The following SUMF1 variants were observed in gnomAD, a reference collection of about 807,000 sequenced individuals.
The protein encoded by SUMF1 is formylglycine-generating enzyme.
In SUMF1, 48 loss-of-function variants were observed where a neutral mutation model predicts 47.6. The observed-to-expected ratio is 1.01, with a 90% CI of 0.80 to 1.28. The LOEUF (loss-of-function observed/expected upper bound fraction) is 1.28. SUMF1 is among the 50% of genes most tolerant of loss of function. The probability of loss-of-function intolerance (pLI) is 0.00; values close to 1 mark genes in which losing one functional copy is unlikely to be tolerated. For missense variants in SUMF1, 571 were observed against 485.4 expected (o/e 1.18, Z -1.66); for synonymous variants, 230 against 192.1 (o/e 1.20, Z -1.63).
At chr3:4,444,011 A>G (rs1039076131) in intron 3 of SUMF1, among the ~76,000 whole-genome samples, 8 of 152,188 alleles carry the variant, frequency 5.3e-5, no homozygotes, top group Admixed American at 2.0e-4. Context: ...ACAAACACCA[A>G]CACACAGTCT....
intron 8 of SUMF1, among the ~76,000 whole-genome samples, chr3:4,139,415 T>C (rs1387915218): frequency 1.3e-5 from 2 of 151,978 alleles, no homozygotes; most frequent in Non-Finnish European, 2.9e-5. Context: ...TGAGAATCAA[T>C]TGGCAATATG....
chr3:4,359,474 G>A (rs1303833437), downstream of SUMF1, among the ~76,000 whole-genome samples: 1 of 152,018 alleles, frequency 6.6e-6, no homozygotes, highest in South Asian at 2.1e-4. Context: ...GTAAAGATGG[G>A]GTCTCGCTTT....
At chr3:4,037,855 A>G (rs1406100052) in intron 9 of SUMF1, among the ~76,000 whole-genome samples, 4 of 152,194 alleles carry the variant, frequency 2.6e-5, no homozygotes, top group African/African-American at 9.6e-5. Flanking sequence ...TCACAGGGCC[A>G]AGGCTTTGCG....
At chr3:4,402,711 C>A (rs1037897445) in intron 7 of SUMF1, among the ~76,000 whole-genome samples, 1 of 152,172 alleles carries the variant, frequency 6.6e-6, no homozygotes, top group Non-Finnish European at 1.5e-5. Flanking sequence ...TATAAGCTGT[C>A]TCTCAAGGTT....
At chr3:4,433,084 CA>C (rs1702288137) in intron 3 of SUMF1, among the ~76,000 whole-genome samples, 1 of 152,148 alleles carries the variant, frequency 6.6e-6, no homozygotes, top group African/African-American at 2.4e-5. Context: ...CTTATTTTTG[CA>C]TAAGTTTCTC....
intron 7 of SUMF1, among the ~76,000 whole-genome samples, chr3:4,398,498 A>C (rs55681244): frequency 5.2e-4 from 79 of 152,352 alleles, no homozygotes; most frequent in African/African-American, 1.8e-3. Flanking sequence ...CCTTAGAGAA[A>C]GAACAAATGA....
intron 8 of SUMF1, among the ~76,000 whole-genome samples, chr3:4,198,570 C>T (rs1360216668): frequency 6.6e-6 from 1 of 152,078 alleles, no homozygotes; most frequent in Non-Finnish European, 1.5e-5. Flanking sequence ...AAATTGTAAA[C>T]CCACAACTGT....
intron 8 of SUMF1, among the ~76,000 whole-genome samples, chr3:4,369,592 T>C (rs1248385326): frequency 6.6e-6 from 1 of 152,206 alleles, no homozygotes; most frequent in Non-Finnish European, 1.5e-5. Flanking sequence ...CCCATAAACG[T>C]ACACGCTTTT....
intron 1 of SUMF1, among the ~76,000 whole-genome samples, chr3:4,456,979 T>C (rs2079659885): frequency 7.8e-6 from 1 of 127,698 alleles, no homozygotes; most frequent in South Asian, 2.4e-4. Context: ...TACGTGTGTG[T>C]ATATATATAT....
At chr3:4,086,488 C>T (rs1482810479) in intron 8 of SUMF1, among the ~76,000 whole-genome samples, 1 of 152,076 alleles carries the variant, frequency 6.6e-6, no homozygotes, top group African/African-American at 2.4e-5. Flanking sequence ...CCCGATCTGT[C>T]ATGAAATGTT....
chr3:4,328,663 T>A (rs1451277618), intron 8 of SUMF1, among the ~76,000 whole-genome samples: 2 of 151,050 alleles, frequency 1.3e-5, no homozygotes, highest in East Asian at 4.0e-4. Flanking sequence ...GAGATTTGGG[T>A]GGGGACATAG....
At chr3:4,082,343 C>G (rs1292011164) in intron 8 of SUMF1, among the ~76,000 whole-genome samples, 1 of 151,952 alleles carries the variant, frequency 6.6e-6, no homozygotes. Context: ...GGTGATGCAC[C>G]CTGTGGTCCC....
intron 8 of SUMF1, among the ~76,000 whole-genome samples, chr3:4,259,985 A>G (rs913620887): frequency 1.3e-5 from 2 of 151,992 alleles, no homozygotes; most frequent in African/African-American, 4.8e-5. Context: ...CCTCTCAAAT[A>G]TCATAACATA....
intron 8 of SUMF1, among the ~76,000 whole-genome samples, chr3:4,093,306 C>G (rs959482362): frequency 6.6e-6 from 1 of 152,070 alleles, no homozygotes; most frequent in African/African-American, 2.4e-5. Context: ...TGTTATATGT[C>G]AATCACTCTT....
chr3:4,273,407 C>G (rs1466442174), intron 8 of SUMF1, among the ~76,000 whole-genome samples: 1 of 151,924 alleles, frequency 6.6e-6, no homozygotes, highest in Non-Finnish European at 1.5e-5. Context: ...CTTTAAAACC[C>G]TAAAGCAACA....
At chr3:4,373,078 TAAGAA>T (rs1214787389) in intron 8 of SUMF1, among the ~76,000 whole-genome samples, 1 of 152,010 alleles carries the variant, frequency 6.6e-6, no homozygotes, top group Non-Finnish European at 1.5e-5. Context: ...TCAAGTAAGC[TAAGAA>T]AAGATAAAAA....
At chr3:4,412,970 T>C (rs1171682054) in intron 6 of SUMF1, among the ~76,000 whole-genome samples, 1 of 152,004 alleles carries the variant, frequency 6.6e-6, no homozygotes, top group Non-Finnish European at 1.5e-5. Context: ...GTGGAGGTGC[T>C]CTCAAATCAG....
intron 8 of SUMF1, among the ~76,000 whole-genome samples, chr3:4,325,623 A>T (rs1217282159): frequency 1.3e-5 from 2 of 152,004 alleles, no homozygotes; most frequent in African/African-American, 4.8e-5. Flanking sequence ...ACACACACAC[A>T]CACACACATA....
chr3:4,347,221 A>T (rs968074708), intron 8 of SUMF1, among the ~76,000 whole-genome samples: 1 of 152,178 alleles, frequency 6.6e-6, no homozygotes, highest in Non-Finnish European at 1.5e-5. Flanking sequence ...CCGGGAAGAG[A>T]CACTACAAAA....
Sources: gnomAD v4.1 joint callset for allele counts (sites outside exome capture counted in the v4.1 genomes callset) on GRCh38, gnomAD v4.1.1 for gene constraint, MANE v1.5 for transcripts, NCBI Gene and HGNC (gene_info 2026-07-23, HGNC 2026-07-21) for gene names.